TENM2: variants seen among roughly 807,000 people sequenced by gnomAD.
The protein encoded by TENM2 is teneurin-2.
A neutral mutation model predicts 245.2 loss-of-function variants in TENM2; 52 were observed. The observed-to-expected ratio is 0.21, with a 90% confidence interval of 0.17 to 0.27. TENM2 has a LOEUF of 0.27. TENM2 is among the 10% of genes least tolerant of loss of function. The pLI is 1.00. For missense variants in TENM2, 3,046 were observed against 3,666.8 expected, an observed-to-expected ratio of 0.83 and a Z score of 4.37; for synonymous variants, 1,363 against 1,438.9, an observed-to-expected ratio of 0.95 and a Z score of 1.19.
At position 167,900,867 on chromosome 5, in the gene TENM2, C is replaced by G. The variant is rs1041853926; in HGVS notation, c.712+24672C>G. ...GTGGGATTGAGGCCTTGAGAGGAGA[C>G]AGCAGTGACCACCTGGGGGACTTTT... On this transcript the variant is annotated intron_variant, in intron 3 of 28. Transcript: ENST00000518659. Among the ~76,000 whole-genome samples the G allele has an allele frequency of 4.3e-4, 64 of 150,064 alleles. 1 individual carries two copies. Among genetic ancestry groups the G allele is most frequent in the African/African-American group, 1.5e-3 (59 of 40,620 alleles).
At chr5:167,462,326 G>A (rs1234465979) in intron 2 of TENM2, among the ~76,000 whole-genome samples, 1 of 152,086 alleles carries the variant, frequency 6.6e-6, no homozygotes, top group Non-Finnish European at 1.5e-5. Context: ...TGGCCCCATG[G>A]TAGCATCTAC....
intron 2 of TENM2, among the ~76,000 whole-genome samples, chr5:167,702,002 G>A (rs1020665666): frequency 1.3e-5 from 2 of 152,052 alleles, no homozygotes; most frequent in African/African-American, 2.4e-5. Context: ...AACCCATCAG[G>A]CTTATTCAAT....
chr5:167,005,741 A>G, the TENM2 span, among the ~76,000 whole-genome samples: 13 of 146,376 alleles, frequency 8.9e-5, 1 homozygote, highest in African/African-American at 3.0e-4. Context: ...GGCTCACTGT[A>G]AACTCTGCCT....
chr5:168,006,255 G>A (rs1323292742), intron 5 of TENM2, among the ~76,000 whole-genome samples: 1 of 152,138 alleles, frequency 6.6e-6, no homozygotes. Flanking sequence ...AATAAAGCTG[G>A]TAGCCCAGAA....
intron 25 of TENM2, among the ~76,000 whole-genome samples, chr5:168,233,732 A>T (rs1290216616): frequency 2.0e-5 from 3 of 152,218 alleles, no homozygotes; most frequent in Non-Finnish European, 4.4e-5. Flanking sequence ...GACTGGGAAG[A>T]AAAAGAAGTT....
chr5:167,010,882 A>G, the TENM2 span, among the ~76,000 whole-genome samples: 1 of 152,210 alleles, frequency 6.6e-6, no homozygotes, highest in Non-Finnish European at 1.5e-5. Context: ...AATGTTAGGT[A>G]TTAATATGTG....
At chr5:167,090,893 T>C in the TENM2 span, among the ~76,000 whole-genome samples, 1 of 152,202 alleles carries the variant, frequency 6.6e-6, no homozygotes, top group South Asian at 2.1e-4. Context: ...GCAGGCCCTT[T>C]ATAATGAAAC....
At chr5:167,304,894 A>G (rs1256312145) in intron 1 of TENM2, among the ~76,000 whole-genome samples, 4 of 152,300 alleles carry the variant, frequency 2.6e-5, no homozygotes, top group South Asian at 2.1e-4. Flanking sequence ...CATACCCTGT[A>G]AATTCCTTGA....
At chr5:168,243,043 A>G (rs1581743968) in intron 25 of TENM2, among the ~76,000 whole-genome samples, 1 of 152,282 alleles carries the variant, frequency 6.6e-6, no homozygotes, top group East Asian at 1.9e-4. Flanking sequence ...TTATTAGGGT[A>G]AAGTGAGGAG....
chr5:167,871,688 T>A (rs1772840940), intron 2 of TENM2, among the ~76,000 whole-genome samples: 1 of 152,194 alleles, frequency 6.6e-6, no homozygotes, highest in Admixed American at 6.5e-5. Context: ...AACCTGGTTT[T>A]CTGTCCATTT....
At chr5:166,996,123 C>A in the TENM2 span, among the ~76,000 whole-genome samples, 2 of 152,040 alleles carry the variant, frequency 1.3e-5, no homozygotes, top group Non-Finnish European at 2.9e-5. Flanking sequence ...GCGGACAGAT[C>A]ACCAGGTCAG....
chr5:168,016,175 A>C (rs1785634742), intron 5 of TENM2, among the ~76,000 whole-genome samples: 1 of 152,096 alleles, frequency 6.6e-6, no homozygotes, highest in South Asian at 2.1e-4. Context: ...ATGGGATTGT[A>C]CTCTTTTTAT....
the TENM2 span, among the ~76,000 whole-genome samples, chr5:167,070,446 A>G: frequency 6.6e-6 from 1 of 151,952 alleles, no homozygotes; most frequent in Non-Finnish European, 1.5e-5. Context: ...AGAAATATTG[A>G]TGATGCAAAT....
chr5:167,788,575 C>T (rs2150880143), intron 2 of TENM2, among the ~76,000 whole-genome samples: 1 of 152,308 alleles, frequency 6.6e-6, no homozygotes, highest in South Asian at 2.1e-4. Flanking sequence ...TTTCAGTCCT[C>T]TGAGAGTCAA....
At chr5:167,315,447 C>T (rs1275051943) in intron 1 of TENM2, among the ~76,000 whole-genome samples, 3 of 151,844 alleles carry the variant, frequency 2.0e-5, no homozygotes, top group African/African-American at 7.3e-5. Flanking sequence ...TGCAAGGTGC[C>T]CCACATATGA....
intron 2 of TENM2, among the ~76,000 whole-genome samples, chr5:167,731,200 G>GTTTTT (rs11398245): frequency 2.1e-5 from 3 of 142,598 alleles, no homozygotes; most frequent in South Asian, 2.3e-4. Flanking sequence ...CCTCCAGACA[G>GTTTTT]TTTTTTTTTT....
chr5:168,226,360 C>A, intron 24 of TENM2, 97 bp downstream of exon 26: 4 of 1,048,222 alleles, frequency 3.8e-6, no homozygotes, highest in Admixed American at 2.5e-5. Context: ...GGGAGGACTT[C>A]CAGAGACCCA....
At chr5:168,195,329 G>T in intron 15 of TENM2, 34 bp downstream of exon 17, 1 of 1,556,846 alleles carries the variant, frequency 6.4e-7, no homozygotes, top group South Asian at 1.2e-5. Flanking sequence ...ACCTACTCAG[G>T]ACCACACGTG....
intron 2 of TENM2, among the ~76,000 whole-genome samples, chr5:167,467,641 C>T (rs1477833909): frequency 2.0e-5 from 3 of 151,842 alleles, no homozygotes; most frequent in Non-Finnish European, 4.4e-5. Flanking sequence ...TGTTCCTTTC[C>T]ATATTTGTTA....
Sources: gnomAD v4.1 joint callset for allele counts (sites outside exome capture counted in the v4.1 genomes callset) on GRCh38, gnomAD v4.1.1 for gene constraint, MANE v1.5 for transcripts, NCBI Gene and HGNC (gene_info 2026-07-23, HGNC 2026-07-21) for gene names.